Variants in CLVS1 observed in about 807,000 individuals in gnomAD.
The protein encoded by CLVS1 is clavesin-1.
CLVS1 carries 10 observed loss-of-function variants against 33.1 expected under a neutral mutation model. The ratio of observed to expected loss-of-function variants is 0.30; its 90% CI spans 0.19 to 0.51. The LOEUF is 0.51. Among genes scored for constraint, CLVS1 ranks in the 20% least tolerant of loss-of-function variants. The probability of loss-of-function intolerance (pLI) is 0.97; values close to 1 mark genes in which losing one functional copy is unlikely to be tolerated. For synonymous variants in CLVS1, 163 were observed against 166.1 expected (o/e 0.98, Z 0.14); for missense variants, 343 against 433.4 (o/e 0.79, Z 1.85).
At chr8:61,250,009 G>C (rs547732377) in intron 2 of CLVS1, among the ~76,000 whole-genome samples, 99 of 152,214 alleles carry the variant, frequency 6.5e-4, no homozygotes, top group Non-Finnish European at 6.6e-4. Flanking sequence ...GTCCTGTAGG[G>C]TATTGCCCAG....
At chr8:61,265,568 C>T (rs770406347) in intron 2 of CLVS1, among the ~76,000 whole-genome samples, 2 of 152,224 alleles carry the variant, frequency 1.3e-5, no homozygotes, top group African/African-American at 4.8e-5. Flanking sequence ...TTTCCCACAA[C>T]ACCTAGGTTT....
At chr8:61,109,581 C>T (rs1480763657) in intron 1 of CLVS1, among the ~76,000 whole-genome samples, 1 of 152,086 alleles carries the variant, frequency 6.6e-6, no homozygotes, top group Non-Finnish European at 1.5e-5. Context: ...AAATTCAGTT[C>T]AAATGGCAAC....
At chr8:61,289,578 A>T (rs578054466) in intron 1 of CLVS1, among the ~76,000 whole-genome samples, 3 of 152,348 alleles carry the variant, frequency 2.0e-5, no homozygotes, top group Non-Finnish European at 4.4e-5. Context: ...TAAAAACGAG[A>T]TTATTTAAAT....
intron 2 of CLVS1, among the ~76,000 whole-genome samples, chr8:61,182,409 A>G (rs1000560929): frequency 1.3e-5 from 2 of 152,212 alleles, no homozygotes; most frequent in African/African-American, 4.8e-5. Flanking sequence ...ACAGAATGAG[A>G]GAAAATTTTT....
At chr8:61,088,802 C>CT (rs1805175380) in intron 1 of CLVS1, among the ~76,000 whole-genome samples, 1 of 146,558 alleles carries the variant, frequency 6.8e-6, no homozygotes, top group African/African-American at 2.6e-5. Flanking sequence ...CTTTTCTTTT[C>CT]TTTTTCTTTT....
intron 1 of CLVS1, among the ~76,000 whole-genome samples, chr8:61,093,736 C>T (rs1294157785): frequency 6.6e-6 from 1 of 152,130 alleles, no homozygotes; most frequent in Non-Finnish European, 1.5e-5. Context: ...TTCTTGGACC[C>T]CTCCCCCCAG....
chr8:61,246,167 CTTTTTTTTT>C (rs1188366643), intron 2 of CLVS1, among the ~76,000 whole-genome samples: 28 of 82,238 alleles, frequency 3.4e-4, no homozygotes, highest in Admixed American at 6.9e-4. Context: ...TCCTTCCCAA[CTTTTTTTTT>C]TTTTTTTTTT....
chr8:61,233,517 AAAAAAAAGAAAGAAAAAGAAAAAG>A (rs1377394229), intron 2 of CLVS1, among the ~76,000 whole-genome samples: 1 of 151,712 alleles, frequency 6.6e-6, no homozygotes, highest in African/African-American at 2.4e-5. Flanking sequence ...ATCAAAAAAA[AAAAAAAAGAAAGAAAAAGAAAAAG>A]AAAAAAAAAA....
intron 2 of CLVS1, among the ~76,000 whole-genome samples, chr8:61,163,799 C>T (rs1806797607): frequency 6.6e-6 from 1 of 152,200 alleles, no homozygotes; most frequent in Non-Finnish European, 1.5e-5. Flanking sequence ...TGGGGAGTAC[C>T]AATGGGCGCC....
intron 2 of CLVS1, among the ~76,000 whole-genome samples, chr8:61,175,670 G>C (rs542115531): frequency 2.0e-5 from 3 of 152,184 alleles, no homozygotes; most frequent in African/African-American, 7.2e-5. Context: ...TTGGAGCTGT[G>C]CTGCCATAAG....
intron 2 of CLVS1, among the ~76,000 whole-genome samples, chr8:61,310,450 C>T (rs1302854567): frequency 6.6e-6 from 1 of 152,204 alleles, no homozygotes; most frequent in Non-Finnish European, 1.5e-5. Flanking sequence ...CTGTGCTGCA[C>T]AGCTTATCAC....
chr8:61,048,562 G>A, the CLVS1 span, among the ~76,000 whole-genome samples: 1 of 152,176 alleles, frequency 6.6e-6, no homozygotes. Context: ...ATTTCCCTCA[G>A]CTGATGGGAG....
At chr8:61,042,516 T>C in the CLVS1 span, among the ~76,000 whole-genome samples, 3 of 102,076 alleles carry the variant, frequency 2.9e-5, no homozygotes, top group African/African-American at 5.9e-5. Context: ...GCAGATTTGG[T>C]ATCTGGTGAG....
chr8:61,141,475 T>G (rs1349706440), intron 2 of CLVS1, among the ~76,000 whole-genome samples: 1 of 151,688 alleles, frequency 6.6e-6, no homozygotes, highest in East Asian at 1.9e-4. Context: ...ATATATTGGC[T>G]TATGTATATA....
At chr8:61,356,242 C>A (rs892731407) in intron 2 of CLVS1, among the ~76,000 whole-genome samples, 1 of 152,054 alleles carries the variant, frequency 6.6e-6, no homozygotes, top group Non-Finnish European at 1.5e-5. Flanking sequence ...ATATCCTTCA[C>A]CCAGTTTTTG....
intron 2 of CLVS1, among the ~76,000 whole-genome samples, chr8:61,209,920 A>G (rs979540604): frequency 6.6e-6 from 1 of 152,230 alleles, no homozygotes; most frequent in Non-Finnish European, 1.5e-5. Context: ...TGTAACTCCC[A>G]TGATTTGATT....
chr8:61,481,655 C>T (rs539910592), intron 5 of CLVS1, among the ~76,000 whole-genome samples: 191 of 152,220 alleles, frequency 1.3e-3, no homozygotes, highest in Non-Finnish European at 2.3e-3. Flanking sequence ...GGGAGAGGGG[C>T]GTCTGTCATT....
At chr8:61,187,995 G>A (rs760979781) in intron 2 of CLVS1, among the ~76,000 whole-genome samples, 2 of 152,050 alleles carry the variant, frequency 1.3e-5, no homozygotes, top group African/African-American at 2.4e-5. Flanking sequence ...AATTGCATGA[G>A]CATCTGGAAG....
intron 1 of CLVS1, among the ~76,000 whole-genome samples, chr8:61,119,017 G>A (rs930811007): frequency 5.3e-5 from 8 of 152,170 alleles, no homozygotes; most frequent in Non-Finnish European, 1.2e-4. Flanking sequence ...AAGTCTCTTT[G>A]CAGATCACTC....
Sources: allele counts gnomAD v4.1 joint callset (sites outside exome capture counted in the v4.1 genomes callset), GRCh38; gene constraint gnomAD v4.1.1; transcripts MANE v1.5; gene names NCBI Gene and HGNC (gene_info 2026-07-23, HGNC 2026-07-21).